The following GALNT1 variants were observed in gnomAD, a reference collection of about 807,000 sequenced individuals.
The protein encoded by GALNT1 is GalNAc transferase 1.
GALNT1 carries 17 observed loss-of-function variants against 65.7 expected under a neutral mutation model. That is an observed-to-expected ratio of 0.26 (90% CI 0.18 to 0.39). The LOEUF is 0.39. GALNT1 is among the 10% of genes least tolerant of loss of function. GALNT1 has a pLI of 1.00. For missense variants in GALNT1, 460 were observed against 672.8 expected, an observed-to-expected ratio of 0.68 and a Z score of 3.50; for synonymous variants, 210 against 219.7, an observed-to-expected ratio of 0.96 and a Z score of 0.39.
At chr18:35,585,625 C>G (rs1366095492) in intron 1 of GALNT1, among the ~76,000 whole-genome samples, 1 of 152,222 alleles carries the variant, frequency 6.6e-6, no homozygotes, top group Non-Finnish European at 1.5e-5. Flanking sequence ...GCCACACCTA[C>G]TACCCTTCTA....
chr18:35,611,958 G>A (rs2046723760), intron 1 of GALNT1, among the ~76,000 whole-genome samples: 1 of 152,058 alleles, frequency 6.6e-6, no homozygotes, highest in Admixed American at 6.5e-5. Flanking sequence ...TGCCCTTTGG[G>A]AGTTTTATCT....
intron 3 of GALNT1, among the ~76,000 whole-genome samples, chr18:35,668,099 T>A (rs930285331): frequency 6.6e-6 from 1 of 152,134 alleles, no homozygotes; most frequent in Admixed American, 6.5e-5. Context: ...ATGACTTTTT[T>A]AAAAAGAAGA....
intron 3 of GALNT1, among the ~76,000 whole-genome samples, chr18:35,669,361 A>G (rs2047597466): frequency 6.6e-6 from 1 of 152,274 alleles, no homozygotes; most frequent in African/African-American, 2.4e-5. Flanking sequence ...TCATGAAATC[A>G]GCATGATCTT....
intron 2 of GALNT1, among the ~76,000 whole-genome samples, chr18:35,658,666 T>C (rs896384484): frequency 1.3e-5 from 2 of 151,942 alleles, no homozygotes; most frequent in African/African-American, 2.4e-5. Flanking sequence ...ATGCCAACTT[T>C]CTAGTGGAAT....
rs1007636782 is a variant in GALNT1 at position 35,618,830 on chromosome 18, C to G, written c.-103-35730C>G. ...ATGAAGAAAAGGCGCTTGAGGTCAT[C>G]CCCTAGAATGGATCTTAACTGATAG... is the stretch of plus-strand genomic sequence containing the variant. On this transcript the variant is annotated intron_variant, in intron 1 of 11. Transcript: ENST00000269195. Among the ~76,000 whole-genome samples, 2 of 152,102 alleles carry G rather than the reference C, an allele frequency of 1.3e-5. 1 individual carries two copies. Among genetic ancestry groups the G allele is most frequent in the South Asian group, 4.1e-4 (2 of 4,832 alleles).
At chr18:35,588,264 C>G (rs1444980535) in intron 1 of GALNT1, among the ~76,000 whole-genome samples, 1 of 152,168 alleles carries the variant, frequency 6.6e-6, no homozygotes, top group African/African-American at 2.4e-5. Flanking sequence ...ATACCACTTT[C>G]TTCTGGCTTC....
chr18:35,654,017 AGG>A (rs2047344434), intron 1 of GALNT1, among the ~76,000 whole-genome samples: 1 of 152,224 alleles, frequency 6.6e-6, no homozygotes, highest in Admixed American at 6.5e-5. Context: ...GCAGGCTACA[AGG>A]AGAACTCTAT....
intron 2 of GALNT1, among the ~76,000 whole-genome samples, chr18:35,663,037 A>C (rs2047498984): frequency 6.6e-6 from 1 of 152,218 alleles, no homozygotes; most frequent in South Asian, 2.1e-4. Flanking sequence ...CAAGACTAGT[A>C]AATAACCACT....
chr18:35,616,721 T>C (rs2046788458), intron 1 of GALNT1, among the ~76,000 whole-genome samples: 1 of 152,126 alleles, frequency 6.6e-6, no homozygotes, highest in Non-Finnish European at 1.5e-5. Context: ...TGTCACGTAA[T>C]CTTTCTCTGT....
chr18:35,703,039 G>A, intron 10 of GALNT1, 44 bp downstream of exon 10: 1 of 1,172,282 alleles, frequency 8.5e-7, no homozygotes, highest in Non-Finnish European at 1.2e-6. Context: ...TTTTCAGATT[G>A]TTTTTACTTT....
intron 1 of GALNT1, among the ~76,000 whole-genome samples, chr18:35,625,771 G>C (rs1007851061): frequency 6.6e-6 from 1 of 152,164 alleles, no homozygotes; most frequent in Non-Finnish European, 1.5e-5. Context: ...GTATTTTCCT[G>C]TGTCTGAGTT....
At chr18:35,674,977 C>CT (rs1169553616) in intron 3 of GALNT1, among the ~76,000 whole-genome samples, 1 of 115,814 alleles carries the variant, frequency 8.6e-6, no homozygotes. Context: ...AGCGAGACTC[C>CT]GTCTCAAAAA....
intron 1 of GALNT1, among the ~76,000 whole-genome samples, chr18:35,629,937 A>G (rs1234825476): frequency 2.6e-5 from 4 of 152,236 alleles, no homozygotes; most frequent in Non-Finnish European, 4.4e-5. Flanking sequence ...CTTTAAACCA[A>G]CAAAGATCAA....
At chr18:35,606,131 G>T (rs1192768123) in intron 1 of GALNT1, among the ~76,000 whole-genome samples, 1 of 152,172 alleles carries the variant, frequency 6.6e-6, no homozygotes, top group African/African-American at 2.4e-5. Flanking sequence ...AGCTGAAAGA[G>T]CAGTTACTGT....
chr18:35,664,126 A>G, intron 3 of GALNT1: 1 of 312,664 alleles, frequency 3.2e-6, no homozygotes, highest in Non-Finnish European at 6.0e-6. Context: ...TGAAACAGTG[A>G]AATACACAGT....
intron 3 of GALNT1, among the ~76,000 whole-genome samples, chr18:35,674,785 C>A (rs575243714): frequency 6.6e-6 from 1 of 151,940 alleles, no homozygotes; most frequent in Non-Finnish European, 1.5e-5. Flanking sequence ...AGATTGAGAC[C>A]GTCCTGGCTA....
chr18:35,656,279 T>G (rs1351011375), intron 2 of GALNT1, among the ~76,000 whole-genome samples: 1 of 152,158 alleles, frequency 6.6e-6, no homozygotes, highest in African/African-American at 2.4e-5. Context: ...GAATTTTTTT[T>G]GACTTTTATA....
intron 11 of GALNT1, among the ~76,000 whole-genome samples, chr18:35,705,303 G>A (rs73418891): frequency 0.011 from 1,726 of 152,236 alleles, 34 homozygotes; most frequent in African/African-American, 0.038. Context: ...AATTAACTCT[G>A]TCAATCTTAA....
intron 1 of GALNT1, among the ~76,000 whole-genome samples, chr18:35,587,493 G>A (rs1330599448): frequency 6.6e-6 from 1 of 152,124 alleles, no homozygotes; most frequent in Non-Finnish European, 1.5e-5. Flanking sequence ...TTTCATGGAT[G>A]CTGTTTATCA....
Sources: allele counts gnomAD v4.1 joint callset (sites outside exome capture counted in the v4.1 genomes callset), GRCh38; gene constraint gnomAD v4.1.1; transcripts MANE v1.5; gene names NCBI Gene and HGNC (gene_info 2026-07-23, HGNC 2026-07-21).